Variants in SLC24A2 observed in about 807,000 individuals in gnomAD.
SLC24A2 encodes solute carrier family 24 member 2, also known as sodium/potassium/calcium exchanger 2.
A neutral mutation model predicts 62.0 loss-of-function variants in SLC24A2; 36 were observed. That is an observed-to-expected ratio of 0.58 (90% CI 0.44 to 0.77). The LOEUF is 0.77. Among genes scored for constraint, SLC24A2 ranks in the 30% least tolerant of loss-of-function variants. SLC24A2 has a pLI of 0.00. For missense variants in SLC24A2, 846 were observed against 817.9 expected (o/e 1.03, Z -0.42); for synonymous variants, 358 against 294.0 (o/e 1.22, Z -2.23).
the SLC24A2 span, among the ~76,000 whole-genome samples, chr9:20,009,218 C>A: frequency 3.9e-5 from 6 of 151,984 alleles, no homozygotes; most frequent in Non-Finnish European, 5.9e-5. Context: ...CTGAGAGTAA[C>A]AGCAGGGCTA....
the SLC24A2 span, among the ~76,000 whole-genome samples, chr9:20,004,165 A>G: frequency 1.2e-4 from 18 of 152,328 alleles, no homozygotes; most frequent in African/African-American, 4.3e-4. Context: ...ACAAGCACCT[A>G]ATAGATGATA....
At position 19,660,757 on chromosome 9, in the gene SLC24A2, T is replaced by G. The variant is rs76870527; in HGVS notation, c.931-38458A>C. On this transcript the variant is annotated intron_variant, in intron 2 of 10. Coordinates refer to ENST00000341998, the MANE Select transcript of SLC24A2 (RefSeq NM_020344.4). ...ATGAAAGGAAAGTGTATTCTAGAAC[T>G]TTTAGCACAACCAACACCCCCAGCT... Among the ~76,000 whole-genome samples, 4 of 152,324 alleles carry G rather than the reference T, an allele frequency of 2.6e-5. No homozygotes were observed. In the East Asian group the frequency reaches 5.8e-4, roughly 22 times the overall value.
intron 5 of SLC24A2, among the ~76,000 whole-genome samples, chr9:19,588,515 C>G (rs951559319): frequency 6.6e-6 from 1 of 152,102 alleles, no homozygotes; most frequent in Non-Finnish European, 1.5e-5. Context: ...GGTCAAATAC[C>G]TCTACCATAA....
At chr9:20,073,295 C>A in the SLC24A2 span, among the ~76,000 whole-genome samples, 1 of 152,142 alleles carries the variant, frequency 6.6e-6, no homozygotes, top group East Asian at 1.9e-4. Flanking sequence ...TCTCTGGCTT[C>A]TTTATCTTTG....
chr9:20,160,286 G>T, the SLC24A2 span, among the ~76,000 whole-genome samples: 1 of 151,354 alleles, frequency 6.6e-6, no homozygotes, highest in East Asian at 1.9e-4. Context: ...GTAAACACCT[G>T]TGTAAAGAAT....
chr9:19,810,244 A>G, the SLC24A2 span, among the ~76,000 whole-genome samples: 8 of 152,328 alleles, frequency 5.3e-5, no homozygotes, highest in African/African-American at 1.7e-4. Context: ...TCTCAGGAGA[A>G]CAGATACCCC....
intron 2 of SLC24A2, among the ~76,000 whole-genome samples, chr9:19,681,423 T>C (rs1281912343): frequency 1.3e-5 from 2 of 152,128 alleles, no homozygotes; most frequent in Non-Finnish European, 2.9e-5. Context: ...TCTCATCTAC[T>C]AACATCCTAT....
At chr9:20,266,126 C>A in the SLC24A2 span, among the ~76,000 whole-genome samples, 1 of 152,190 alleles carries the variant, frequency 6.6e-6, no homozygotes, top group Non-Finnish European at 1.5e-5. Context: ...CGCCCTGCCT[C>A]CATTTGCCTT....
chr9:20,185,942 G>T, the SLC24A2 span, among the ~76,000 whole-genome samples: 1 of 152,160 alleles, frequency 6.6e-6, no homozygotes, highest in East Asian at 1.9e-4. Flanking sequence ...CCCTCTCCAA[G>T]GTCTCAGTTT....
chr9:19,950,749 T>A, the SLC24A2 span, among the ~76,000 whole-genome samples: 1 of 152,184 alleles, frequency 6.6e-6, no homozygotes, highest in Non-Finnish European at 1.5e-5. Flanking sequence ...GGAGTATCCA[T>A]CAAGTTTAGA....
chr9:20,245,860 C>T, the SLC24A2 span, among the ~76,000 whole-genome samples: 4 of 152,134 alleles, frequency 2.6e-5, no homozygotes, highest in Non-Finnish European at 4.4e-5. Context: ...CCTTATTTAA[C>T]CTTCAAGACT....
At chr9:19,600,449 C>T (rs1251167036) in intron 4 of SLC24A2, among the ~76,000 whole-genome samples, 1 of 152,216 alleles carries the variant, frequency 6.6e-6, no homozygotes, top group Admixed American at 6.5e-5. Flanking sequence ...AATTGTCTCA[C>T]AGGGACAGAT....
intron 2 of SLC24A2, among the ~76,000 whole-genome samples, chr9:19,646,737 T>A (rs925281195): frequency 1.6e-4 from 25 of 152,098 alleles, no homozygotes; most frequent in African/African-American, 6.0e-4. Flanking sequence ...ATGTTTAGAG[T>A]GAAAATAAGT....
chr9:19,815,521 T>C, the SLC24A2 span, among the ~76,000 whole-genome samples: 1 of 152,252 alleles, frequency 6.6e-6, no homozygotes, highest in Admixed American at 6.6e-5. Flanking sequence ...TTTTTTTCCT[T>C]TTAAAACCCC....
the SLC24A2 span, among the ~76,000 whole-genome samples, chr9:19,915,044 A>C: frequency 6.6e-6 from 1 of 152,114 alleles, no homozygotes; most frequent in African/African-American, 2.4e-5. Context: ...TGTTACCATT[A>C]AGTAACTCCA....
the SLC24A2 span, among the ~76,000 whole-genome samples, chr9:20,015,418 G>A: frequency 1.3e-5 from 2 of 152,150 alleles, no homozygotes; most frequent in African/African-American, 4.8e-5. Context: ...AGAGTTAGAA[G>A]AGCTGTGAGC....
At chr9:20,298,520 C>T in the SLC24A2 span, among the ~76,000 whole-genome samples, 1 of 152,222 alleles carries the variant, frequency 6.6e-6, no homozygotes, top group Non-Finnish European at 1.5e-5. Context: ...TGAGCCACCG[C>T]ACCCGGTCCA....
the SLC24A2 span, among the ~76,000 whole-genome samples, chr9:20,005,638 G>C: frequency 6.6e-6 from 1 of 151,896 alleles, no homozygotes; most frequent in Non-Finnish European, 1.5e-5. Flanking sequence ...GATGAGGTGG[G>C]GTGGGGTGGG....
the SLC24A2 span, among the ~76,000 whole-genome samples, chr9:19,983,811 A>G: frequency 1.3e-5 from 2 of 152,218 alleles, no homozygotes; most frequent in African/African-American, 2.4e-5. Context: ...AAATCTAAGG[A>G]GGTGAAAGAC....
Sources: allele counts gnomAD v4.1 joint callset (sites outside exome capture counted in the v4.1 genomes callset), GRCh38; gene constraint gnomAD v4.1.1; transcripts MANE v1.5; gene names NCBI Gene and HGNC (gene_info 2026-07-23, HGNC 2026-07-21).